Variants in KLF7 observed in about 807,000 individuals in gnomAD.
KLF7 encodes the protein KLF transcription factor 7.
A neutral mutation model predicts 27.3 loss-of-function variants in KLF7; 2 were observed. The observed-to-expected ratio is 0.07, with a 90% confidence interval of 0.03 to 0.23. The LOEUF is 0.23. Ranked by LOEUF, KLF7 falls within the 10% of genes least tolerant of loss-of-function variation. KLF7 has a pLI of 1.00. For missense variants in KLF7, 221 were observed against 394.1 expected (o/e 0.56, Z 3.72); for synonymous variants, 165 against 162.4 (o/e 1.02, Z -0.12).
chr2:207,103,931 C>T (rs965476504), intron 2 of KLF7, among the ~76,000 whole-genome samples: 4 of 152,302 alleles, frequency 2.6e-5, no homozygotes, highest in Admixed American at 6.5e-5. Context: ...ACACCCAGTA[C>T]CTGAATATAC....
At chr2:207,134,205 T>C in intron 1 of KLF7, 2 of 1,230,406 alleles carry the variant, frequency 1.6e-6, no homozygotes, top group Middle Eastern at 2.0e-4. Context: ...GGCTCCTTCC[T>C]GGAACACAGT....
intron 1 of KLF7, chr2:207,133,918 A>T: frequency 2.0e-6 from 1 of 512,614 alleles, no homozygotes; most frequent in Non-Finnish European, 3.3e-6. Context: ...AACCAAAATT[A>T]CTGAAAAACA....
intron 1 of KLF7, among the ~76,000 whole-genome samples, chr2:207,125,250 C>T (rs1232690884): frequency 6.6e-6 from 1 of 152,162 alleles, no homozygotes; most frequent in East Asian, 1.9e-4. Flanking sequence ...AGTTTAGTTT[C>T]AACAAATCTT....
chr2:207,098,304 A>G (rs1297348394), intron 2 of KLF7, among the ~76,000 whole-genome samples: 1 of 152,198 alleles, frequency 6.6e-6, no homozygotes, highest in Non-Finnish European at 1.5e-5. Flanking sequence ...TAAAGTTAAA[A>G]GCTAGGTATA....
rs1278766640 is a variant in KLF7 at position 207,077,467 on chromosome 2, C to G, written c.*3746G>C. 1 of 152,026 alleles carries G rather than the reference C, an allele frequency of 6.6e-6. No individual in the cohort carries two copies. Among genetic ancestry groups the G allele is most frequent in the Non-Finnish European group, 1.5e-5 (1 of 68,008 alleles). 9.4% of individuals were successfully genotyped at this position (152,026 alleles called of 1,614,324 possible). The stretch of plus-strand genomic sequence containing the variant: ...GGCAATCAAAGATGTACAAAGGGCA[C>G]AAGAGGTGCAGGTGGAGAGGAGATG... On this transcript the variant is annotated 3_prime_UTR_variant, in exon 4 of 4. Coordinates refer to ENST00000309446, the MANE Select transcript of KLF7 (RefSeq NM_003709.4).
intron 2 of KLF7, among the ~76,000 whole-genome samples, chr2:207,107,760 C>T (rs1355726056): frequency 1.3e-5 from 2 of 152,186 alleles, no homozygotes; most frequent in Non-Finnish European, 2.9e-5. Context: ...CATACCAGCT[C>T]ACAGTTCTCT....
chr2:207,098,618 C>CTATTATTATTATTAT (rs71034501), intron 2 of KLF7, among the ~76,000 whole-genome samples: 1 of 148,922 alleles, frequency 6.7e-6, no homozygotes, highest in Non-Finnish European at 1.5e-5. Flanking sequence ...AATGACCAAG[C>CTATTATTATTATTAT]TATTATTATT....
upstream of KLF7, among the ~76,000 whole-genome samples, chr2:207,168,928 G>T (rs1274805941): frequency 1.3e-5 from 2 of 152,150 alleles, no homozygotes; most frequent in Non-Finnish European, 2.9e-5. Flanking sequence ...AAAATAAACT[G>T]CACTGTTGTA....
chr2:207,117,984 A>G (rs576043870), intron 2 of KLF7, among the ~76,000 whole-genome samples: 2 of 152,272 alleles, frequency 1.3e-5, no homozygotes, highest in African/African-American at 4.8e-5. Context: ...ATGGGCACTT[A>G]ATACCTGTTC....
chr2:207,137,005 T>A (rs1302845419), intron 1 of KLF7, among the ~76,000 whole-genome samples: 1 of 152,164 alleles, frequency 6.6e-6, no homozygotes, highest in African/African-American at 2.4e-5. Context: ...CCATTTCAAA[T>A]AGACACAAAG....
At chr2:207,162,487 A>T (rs772835017) in intron 1 of KLF7, among the ~76,000 whole-genome samples, 1 of 152,238 alleles carries the variant, frequency 6.6e-6, no homozygotes, top group Non-Finnish European at 1.5e-5. Context: ...AGAGCCCAGG[A>T]ATGGAGAGCT....
intron 2 of KLF7, among the ~76,000 whole-genome samples, chr2:207,102,243 C>T (rs1332188868): frequency 1.3e-5 from 2 of 151,882 alleles, no homozygotes; most frequent in African/African-American, 2.4e-5. Context: ...CACAATCTGT[C>T]ATCCTATATA....
chr2:207,114,414 A>C (rs946227520), intron 2 of KLF7, among the ~76,000 whole-genome samples: 4 of 152,238 alleles, frequency 2.6e-5, no homozygotes, highest in Admixed American at 2.6e-4. Context: ...GTTCATAACC[A>C]AGCAACGAAT....
chr2:207,150,997 T>A (rs13416984), intron 1 of KLF7, among the ~76,000 whole-genome samples: 19 of 90,320 alleles, frequency 2.1e-4, no homozygotes, highest in African/African-American at 5.1e-4. Context: ...TTCTCTTTAT[T>A]AAAAAAAAAA....
chr2:207,142,020 C>G (rs1320279998), intron 1 of KLF7, among the ~76,000 whole-genome samples: 1 of 151,908 alleles, frequency 6.6e-6, no homozygotes, highest in African/African-American at 2.4e-5. Context: ...AATCTTGTCA[C>G]AAGAATGAGA....
chr2:207,168,087 T>TCC (rs34653153), upstream of KLF7, among the ~76,000 whole-genome samples: 64,774 of 151,566 alleles, frequency 0.43, 14,628 homozygotes, highest in East Asian at 0.72. Flanking sequence ...TGAGAAACAC[T>TCC]AGGGCAAAAA....
rs1021531677 is a variant in KLF7 at position 207,075,888 on chromosome 2, G to C, written c.*5325C>G. The C allele has an allele frequency of 6.6e-6, 1 of 152,098 alleles. No homozygotes were observed. Among genetic ancestry groups the C allele is most frequent in the Non-Finnish European group, 1.5e-5 (1 of 68,018 alleles). The allele number at this position is 152,098 out of a possible 1,614,324, so 9.4% of individuals were successfully genotyped here. On this transcript the variant is annotated 3_prime_UTR_variant, in exon 4 of 4. Coordinates refer to ENST00000309446, the MANE Select transcript of KLF7 (RefSeq NM_003709.4). ...GAAAAAACAAAAAGGTTGAGAACCA[G>C]CCAATAAGCCCCAAAGCCTTCAGGA... is the stretch of plus-strand genomic sequence containing the variant.
intron 2 of KLF7, among the ~76,000 whole-genome samples, chr2:207,097,602 T>C (rs550903323): frequency 6.6e-6 from 1 of 152,342 alleles, no homozygotes; most frequent in Non-Finnish European, 1.5e-5. Context: ...TGTGCCATTT[T>C]TAACAACTGT....
At chr2:207,122,624 A>C (rs2077368824) in intron 2 of KLF7, among the ~76,000 whole-genome samples, 1 of 152,180 alleles carries the variant, frequency 6.6e-6, no homozygotes, top group African/African-American at 2.4e-5. Context: ...TGGCAGAGTT[A>C]GAACTAAAGC....
Sources: gnomAD v4.1 joint callset for allele counts (sites outside exome capture counted in the v4.1 genomes callset) on GRCh38, gnomAD v4.1.1 for gene constraint, MANE v1.5 for transcripts, NCBI Gene and HGNC (gene_info 2026-07-23, HGNC 2026-07-21) for gene names.